The following ARIH1 variants were observed in gnomAD, a reference collection of about 807,000 sequenced individuals.
The protein encoded by ARIH1 is ariadne RBR E3 ubiquitin protein ligase 1, also known as E3 ubiquitin-protein ligase ARIH1.
A neutral mutation model predicts 85.0 loss-of-function variants in ARIH1; 8 were observed. The ratio of observed to expected loss-of-function variants is 0.09; its 90% CI spans 0.06 to 0.17. ARIH1 has a LOEUF of 0.17. Ranked by LOEUF, ARIH1 falls within the 10% of genes least tolerant of loss-of-function variation. The pLI, the probability that ARIH1 is intolerant of heterozygous loss-of-function variation, is 1.00. For synonymous variants in ARIH1, 238 were observed against 253.6 expected (o/e 0.94, Z 0.59); for missense variants, 311 against 718.1 (o/e 0.43, Z 6.48).
In ARIH1 at chr15:72,474,568, G is replaced by C. The variant is rs535952731; in HGVS notation, c.-72G>C. ...CGGACATCAGCCGGAGCCGGAGCGA[G>C]AGCCGGGGCCTCGGCGTCCCCGCCC... On this transcript the variant is annotated 5_prime_UTR_variant, in exon 1 of 14. Coordinates refer to ENST00000379887, the MANE Select transcript of ARIH1 (RefSeq NM_005744.5). 2 of 1,466,548 alleles carry C rather than the reference G, an allele frequency of 1.4e-6. No individual in the cohort carries two copies. Among genetic ancestry groups the C allele is most frequent in the East Asian group, 3.0e-5 (1 of 33,686 alleles). The allele number at this position is 1,466,548 out of a possible 1,614,324, so 90.8% of individuals were successfully genotyped here. A position where few individuals can be genotyped will look rare whatever the true frequency, so the allele number is the denominator to read the frequency against.
At chr15:72,571,129 CAAAAAAAAAAAAAA>C (rs56376097) in intron 10 of ARIH1, among the ~76,000 whole-genome samples, 5 of 61,440 alleles carry the variant, frequency 8.1e-5, no homozygotes, top group African/African-American at 2.1e-4. Flanking sequence ...AACTGTGTCT[CAAAAAAAAAAAAAA>C]AAAAAAAAAA....
intron 12 of ARIH1, among the ~76,000 whole-genome samples, chr15:72,581,280 A>T (rs72735185): frequency 0.05 from 7,661 of 152,222 alleles, 274 homozygotes; most frequent in African/African-American, 0.1. Flanking sequence ...CAAATTCCTT[A>T]ACCTCTTATT....
chr15:72,503,471 G>A (rs1013678259), intron 1 of ARIH1, among the ~76,000 whole-genome samples: 1 of 152,154 alleles, frequency 6.6e-6, no homozygotes, highest in African/African-American at 2.4e-5. Flanking sequence ...GGTCCCATTG[G>A]TAGCTTCTTA....
At chr15:72,504,050 CTTTATTTA>C (rs993945381) in intron 1 of ARIH1, among the ~76,000 whole-genome samples, 29 of 152,232 alleles carry the variant, frequency 1.9e-4, no homozygotes, top group African/African-American at 6.7e-4. Context: ...GTGTGATAGC[CTTTATTTA>C]TTTATTTATT....
rs947442076 is a variant in ARIH1 at position 72,595,366 on chromosome 15, A to T, written c.*12074A>T. 1 of 151,832 alleles carries T rather than the reference A, an allele frequency of 6.6e-6. No individual in the cohort carries two copies. The highest frequency in any genetic ancestry group is 1.5e-5 in the Non-Finnish European group (1 of 68,104). 9.4% of individuals were successfully genotyped at this position (151,832 alleles called of 1,614,324 possible). A position where few individuals can be genotyped will look rare whatever the true frequency, so the allele number is the denominator to read the frequency against. ...GGCAAATTTAAGAAATTTTTTGTAG[A>T]TCTTGCCGTGTTGCCCATGATGGTC... On this transcript the variant is annotated 3_prime_UTR_variant, in exon 14 of 14. Transcript: ENST00000379887.
chr15:72,521,315 ACTT>A (rs1288795229), intron 2 of ARIH1, among the ~76,000 whole-genome samples: 2 of 150,248 alleles, frequency 1.3e-5, no homozygotes, highest in Non-Finnish European at 2.9e-5. Context: ...CATGTGACAA[ACTT>A]TAAGTCCTAT....
intron 11 of ARIH1, among the ~76,000 whole-genome samples, chr15:72,577,654 C>T (rs1016984038): frequency 6.6e-6 from 1 of 152,090 alleles, no homozygotes; most frequent in African/African-American, 2.4e-5. Flanking sequence ...GCCTGTGCGA[C>T]AGAGTGAGAC....
At chr15:72,485,234 C>A (rs1305841162) in intron 1 of ARIH1, among the ~76,000 whole-genome samples, 1 of 152,168 alleles carries the variant, frequency 6.6e-6, no homozygotes, top group African/African-American at 2.4e-5. Flanking sequence ...ACAGTATCAC[C>A]ATGAGGGTAA....
chr15:72,528,572 G>A (rs150557712), intron 2 of ARIH1, among the ~76,000 whole-genome samples: 3 of 152,212 alleles, frequency 2.0e-5, no homozygotes, highest in African/African-American at 7.2e-5. Context: ...AACAATCCAC[G>A]GCCGGGCACA....
chr15:72,579,375 G>GA lies in ARIH1; in HGVS notation c.1216-1356_1216-1355insA, dbSNP rs527645686. Among the ~76,000 whole-genome samples, 9 of 152,134 alleles carry GA rather than the reference G, an allele frequency of 5.9e-5. No homozygotes were observed. In the South Asian group the frequency reaches 1.5e-3, roughly 25 times the overall value. ...TGATCAAATTCAGATTCAGTGGTTG[G>GA]GGGGGGAGCCCAGAATACTTAATTG... On this transcript the variant is annotated intron_variant, in intron 11 of 13. Transcript: ENST00000379887.
At chr15:72,552,193 AAGGTTC>A (rs1396603375) in intron 3 of ARIH1, among the ~76,000 whole-genome samples, 1 of 152,252 alleles carries the variant, frequency 6.6e-6, no homozygotes, top group Non-Finnish European at 1.5e-5. Flanking sequence ...AGGCAGTGTA[AAGGTTC>A]ATTAATAGTA....
At chr15:72,543,510 A>G (rs1396283010) in intron 2 of ARIH1, among the ~76,000 whole-genome samples, 1 of 152,202 alleles carries the variant, frequency 6.6e-6, no homozygotes, top group African/African-American at 2.4e-5. Flanking sequence ...GATTGATAAT[A>G]TGATTATTTC....
At chr15:72,501,851 C>A (rs978866663) in intron 1 of ARIH1, among the ~76,000 whole-genome samples, 1 of 152,160 alleles carries the variant, frequency 6.6e-6, no homozygotes, top group Non-Finnish European at 1.5e-5. Context: ...TTACCTGGTT[C>A]TTGGCTCTAC....
chr15:72,555,246 A>G, intron 3 of ARIH1, 25 bp from the exon 4 acceptor site: 1 of 1,546,960 alleles, frequency 6.5e-7, no homozygotes, highest in Non-Finnish European at 8.9e-7. Context: ...ACCTTTGTTA[A>G]GTTCATGTTT....
At chr15:72,530,324 C>A (rs1334333116) in intron 2 of ARIH1, among the ~76,000 whole-genome samples, 1 of 152,172 alleles carries the variant, frequency 6.6e-6, no homozygotes, top group Non-Finnish European at 1.5e-5. Context: ...GTTGCTCTAG[C>A]AGTGTATGTT....
intron 3 of ARIH1, among the ~76,000 whole-genome samples, chr15:72,554,431 T>C (rs4777515): frequency 0.71 from 107,833 of 152,070 alleles, 45,054 homozygotes; most frequent in Non-Finnish European, 0.91. Context: ...TGTTGCCTGG[T>C]GTGGAGTGCA....
At chr15:72,538,439 CT>C (rs1254381499) in intron 2 of ARIH1, among the ~76,000 whole-genome samples, 1 of 152,120 alleles carries the variant, frequency 6.6e-6, no homozygotes, top group Non-Finnish European at 1.5e-5. Flanking sequence ...TTACATTTTG[CT>C]TTTCTGATTC....
intron 5 of ARIH1, among the ~76,000 whole-genome samples, chr15:72,559,753 C>G (rs367765775): frequency 1.1e-4 from 16 of 152,208 alleles, no homozygotes; most frequent in Non-Finnish European, 8.8e-5. Flanking sequence ...TGTGGATTAG[C>G]CTATTCTAGA....
chr15:72,540,282 A>T (rs79101412), intron 2 of ARIH1, among the ~76,000 whole-genome samples: 1 of 130,726 alleles, frequency 7.6e-6, no homozygotes, highest in Non-Finnish European at 1.7e-5. Context: ...AAAAAAAAAA[A>T]TTAGTGAAAA....
Sources: allele counts gnomAD v4.1 joint callset (sites outside exome capture counted in the v4.1 genomes callset), GRCh38; gene constraint gnomAD v4.1.1; transcripts MANE v1.5; gene names NCBI Gene and HGNC (gene_info 2026-07-23, HGNC 2026-07-21).